Variants in CNOT10 observed in about 807,000 individuals in gnomAD.
The protein encoded by CNOT10 is CCR4-NOT transcription complex subunit 10.
In CNOT10, 30 loss-of-function variants were observed where a neutral mutation model predicts 94.6. The observed-to-expected ratio is 0.32, with a 90% CI of 0.24 to 0.43. The LOEUF is 0.43. Ranked by LOEUF, CNOT10 falls within the 20% of genes least tolerant of loss-of-function variation. The probability of loss-of-function intolerance (pLI) is 1.00; values close to 1 mark genes in which losing one functional copy is unlikely to be tolerated. For synonymous variants in CNOT10, 289 were observed against 301.6 expected (o/e 0.96, Z 0.43); for missense variants, 759 against 877.2 (o/e 0.87, Z 1.70).
chr3:32,745,119 TC>T, intron 13 of CNOT10, among the ~76,000 whole-genome samples: 1 of 152,260 alleles, frequency 6.6e-6, no homozygotes, highest in Admixed American at 6.5e-5. Context: ...CCTCAAGCGA[TC>T]CGCCCATCTT....
intron 17 of CNOT10, chr3:32,769,520 C>T (rs1469393162): frequency 5.2e-6 from 1 of 193,130 alleles, no homozygotes. Context: ...TTATTCCTGA[C>T]ATTGACAACT....
At chr3:32,772,659 T>C (rs1015738343) in intron 18 of CNOT10, among the ~76,000 whole-genome samples, 1 of 152,044 alleles carries the variant, frequency 6.6e-6, no homozygotes, top group African/African-American at 2.4e-5. Flanking sequence ...ATCGCCCCAC[T>C]GCACTCTAGC....
chr3:32,713,100 G>T, intron 4 of CNOT10, 127 bp from the exon 5 acceptor site: 1 of 666,988 alleles, frequency 1.5e-6, no homozygotes, highest in Non-Finnish European at 2.4e-6. Flanking sequence ...CTAGGTGATA[G>T]GCATTCATTT....
intron 7 of CNOT10, among the ~76,000 whole-genome samples, chr3:32,719,497 T>C (rs918091163): frequency 1.3e-5 from 2 of 152,198 alleles, no homozygotes; most frequent in Admixed American, 6.5e-5. Flanking sequence ...CTGCATGCTT[T>C]CGTACTCTAA....
chr3:32,685,930 TA>T (rs1297896718), intron 1 of CNOT10, among the ~76,000 whole-genome samples: 1 of 151,664 alleles, frequency 6.6e-6, no homozygotes, highest in Non-Finnish European at 1.5e-5. Flanking sequence ...ATTAACTTTG[TA>T]AAAACCACTT....
rs1305364268 is a variant in CNOT10 at position 32,747,715 on chromosome 3, C to T, written c.1595+10225C>T. 3.3e-5 allele frequency among the ~76,000 whole-genome samples: 5 copies of T among 151,916 alleles called. No homozygotes were observed. In the East Asian group the frequency reaches 7.8e-4, roughly 24 times the overall value. On this transcript the variant is annotated intron_variant, in intron 13 of 18. Transcript: ENST00000328834. Reference sequence around the variant, plus strand: ...CTGTAATCCCAGCACTTTGGGAGGCCGAGACGGGCAGATCACGAGGTCAAG... The same window carrying T: ...CTGTAATCCCAGCACTTTGGGAGGCTGAGACGGGCAGATCACGAGGTCAAG...
chr3:32,759,291 A>T (rs1426623591), intron 13 of CNOT10, among the ~76,000 whole-genome samples, 167 bp from the exon 14 acceptor site: 1 of 152,188 alleles, frequency 6.6e-6, no homozygotes, highest in Non-Finnish European at 1.5e-5. Context: ...GTGTTTCAGA[A>T]TTGTTTTATA....
chr3:32,730,567 C>T (rs2125572467), intron 10 of CNOT10: 1 of 152,202 alleles, frequency 6.6e-6, no homozygotes, highest in Admixed American at 6.5e-5. Context: ...ACAGTAAAAA[C>T]AAGCCCAAAA....
At chr3:32,749,606 C>A (rs1326626140) in intron 13 of CNOT10, among the ~76,000 whole-genome samples, 1 of 151,880 alleles carries the variant, frequency 6.6e-6, no homozygotes, top group Non-Finnish European at 1.5e-5. Context: ...GACAGGATTT[C>A]CCCATGTTGG....
chr3:32,702,000 A>C (rs778802575), intron 1 of CNOT10, among the ~76,000 whole-genome samples: 2 of 151,282 alleles, frequency 1.3e-5, no homozygotes, highest in Non-Finnish European at 2.9e-5. Context: ...GGGTTTCTCC[A>C]TGTTAGCCAG....
intron 8 of CNOT10, among the ~76,000 whole-genome samples, chr3:32,723,305 T>C (rs528861751): frequency 1.3e-5 from 2 of 150,612 alleles, no homozygotes; most frequent in South Asian, 2.1e-4. Flanking sequence ...AGCAGGAGAA[T>C]GGCATGAACC....
intron 13 of CNOT10, among the ~76,000 whole-genome samples, chr3:32,754,492 ACATAT>A (rs1700129386): frequency 2.2e-5 from 1 of 44,470 alleles, no homozygotes; most frequent in Non-Finnish European, 4.6e-5. Flanking sequence ...AAAAAAAAAT[ACATAT>A]ATATATATAT....
chr3:32,694,702 G>A (rs1183130002), intron 1 of CNOT10, among the ~76,000 whole-genome samples: 1 of 151,948 alleles, frequency 6.6e-6, no homozygotes, highest in South Asian at 2.1e-4. Context: ...TGATTCTCCC[G>A]CCTCAGCCTC....
chr3:32,735,700 ACTCCATCTC>A, intron 12 of CNOT10, among the ~76,000 whole-genome samples: 1 of 152,140 alleles, frequency 6.6e-6, no homozygotes, highest in Admixed American at 6.5e-5. Context: ...ACAGAATGAG[ACTCCATCTC>A]AAAAAAACAG....
intron 13 of CNOT10, among the ~76,000 whole-genome samples, chr3:32,749,605 T>A (rs977424865): frequency 2.6e-5 from 4 of 151,974 alleles, no homozygotes; most frequent in African/African-American, 9.7e-5. Flanking sequence ...AGACAGGATT[T>A]CCCCATGTTG....
chr3:32,747,509 A>AT (rs1322308276), intron 13 of CNOT10, among the ~76,000 whole-genome samples: 2 of 152,096 alleles, frequency 1.3e-5, no homozygotes, highest in Non-Finnish European at 2.9e-5. Context: ...TGTTAGAAAA[A>AT]TTTAAATTAC....
At chr3:32,716,441 G>A in intron 6 of CNOT10, 130 bp downstream of exon 6, 3 of 499,106 alleles carry the variant, frequency 6.0e-6, no homozygotes, top group Non-Finnish European at 1.1e-5. Flanking sequence ...GTCTTTTGAA[G>A]TATTGTAGTT....
chr3:32,722,668 G>T (rs528924128), intron 8 of CNOT10, among the ~76,000 whole-genome samples: 87 of 152,246 alleles, frequency 5.7e-4, no homozygotes, highest in African/African-American at 1.9e-3. Flanking sequence ...ACAAGGCCTT[G>T]TCTCTAAAAA....
chr3:32,704,004 C>T, intron 2 of CNOT10, 42 bp downstream of exon 2: 1 of 1,243,374 alleles, frequency 8.0e-7, no homozygotes, highest in Non-Finnish European at 1.2e-6. Context: ...TTGTAGGGTT[C>T]TGTCAAGTAT....
Sources: gnomAD v4.1 joint callset for allele counts (sites outside exome capture counted in the v4.1 genomes callset) on GRCh38, gnomAD v4.1.1 for gene constraint, MANE v1.5 for transcripts, NCBI Gene and HGNC (gene_info 2026-07-23, HGNC 2026-07-21) for gene names.